Variants in OTOGL observed in about 807,000 individuals in gnomAD.
The protein encoded by OTOGL is otogelin like, also known as otogelin-like protein.
OTOGL carries 285 observed loss-of-function variants against 318.5 expected under a neutral mutation model. The observed-to-expected ratio is 0.89, with a 90% confidence interval of 0.81 to 0.99. OTOGL has a LOEUF of 0.99. Among genes scored for constraint, OTOGL ranks in the 50% least tolerant of loss-of-function variants. OTOGL has a pLI of 0.00. For missense variants in OTOGL, 2,899 were observed against 2,845.6 expected, an observed-to-expected ratio of 1.02 and a Z score of -0.43; for synonymous variants, 987 against 936.5, an observed-to-expected ratio of 1.05 and a Z score of -0.99.
intron 48 of OTOGL, 41 bp downstream of exon 48, chr12:80,356,561 T>C: frequency 7.0e-7 from 1 of 1,436,588 alleles, no homozygotes; most frequent in Non-Finnish European, 9.7e-7. Flanking sequence ...AGGTTCATTG[T>C]TCATTCAGAA....
chr12:80,301,468 G>A (rs927604334), intron 27 of OTOGL, among the ~76,000 whole-genome samples: 4 of 152,110 alleles, frequency 2.6e-5, no homozygotes, highest in African/African-American at 9.7e-5. Context: ...TGGATAACTT[G>A]GTTGCAAACG....
chr12:80,196,423 G>A (rs1458170172), intron 1 of OTOGL, among the ~76,000 whole-genome samples: 1 of 152,150 alleles, frequency 6.6e-6, no homozygotes, highest in Non-Finnish European at 1.5e-5. Flanking sequence ...TGAACAATTA[G>A]GTTTTTATTT....
chr12:80,342,061 G>A lies in OTOGL; in HGVS notation c.5164G>A (p.Glu1722Lys), dbSNP rs1448105386. The A allele has an allele frequency of 6.2e-7, 1 of 1,607,674 alleles. No individual in the cohort carries two copies. Among genetic ancestry groups the A allele is most frequent in the Non-Finnish European group, 8.5e-7 (1 of 1,176,286 alleles). Residue 1722 changes from glutamate (E) to lysine (K), a missense_variant, in exon 44 of 59, where the codon GAA becomes AAA. Around this residue, in one of 3 missense-constraint regions of OTOGL, gnomAD observed 2,607 missense variants for 2,524.9 expected, o/e 1.03. Coordinates refer to ENST00000547103, the MANE Select transcript of OTOGL (RefSeq NM_001378609.3). ...GAGCTGGGAAATTGAGAAATCATTTGAAGTAACAATGAGAAGACCTGTTAG... is the reference window on the plus strand; with the variant it reads ...GAGCTGGGAAATTGAGAAATCATTTAAAGTAACAATGAGAAGACCTGTTAG... ...IESWEIEKSFEVTMRRPVRNC... is the reference protein window; with the variant it reads ...IESWEIEKSFKVTMRRPVRNC...
chr12:80,346,098 T>C (rs2137969798), intron 44 of OTOGL, among the ~76,000 whole-genome samples: 1 of 152,328 alleles, frequency 6.6e-6, no homozygotes, highest in East Asian at 1.9e-4. Flanking sequence ...AGGGAATGAA[T>C]GCAATACCAA....
At chr12:80,177,414 A>G (rs1011545492) in intron 1 of OTOGL, among the ~76,000 whole-genome samples, 2 of 152,204 alleles carry the variant, frequency 1.3e-5, no homozygotes, top group Non-Finnish European at 2.9e-5. Flanking sequence ...TTGAAAACTA[A>G]TAGACCATAT....
intron 11 of OTOGL, among the ~76,000 whole-genome samples, chr12:80,250,076 G>A (rs1177051675): frequency 6.6e-6 from 1 of 152,038 alleles, no homozygotes; most frequent in African/African-American, 2.4e-5. Flanking sequence ...GCACTCCCTA[G>A]TGAGATGAAC....
chr12:80,293,919 A>G (rs1885213219), intron 26 of OTOGL, among the ~76,000 whole-genome samples: 1 of 152,084 alleles, frequency 6.6e-6, no homozygotes, highest in Admixed American at 6.6e-5. Flanking sequence ...AATTACCCTT[A>G]AAAGGGGCTG....
intron 55 of OTOGL, 128 bp from the exon 56 acceptor site, chr12:80,370,442 T>C: frequency 1.4e-6 from 1 of 714,548 alleles, no homozygotes; most frequent in Non-Finnish European, 2.1e-6. Flanking sequence ...CATTTTCAGA[T>C]GGAACATTTT....
At chr12:80,268,750 C>A (rs561984500) in intron 22 of OTOGL, among the ~76,000 whole-genome samples, 1 of 152,116 alleles carries the variant, frequency 6.6e-6, no homozygotes, top group Non-Finnish European at 1.5e-5. Context: ...TTCTTCCTTT[C>A]CATCATCACT....
At chr12:80,145,451 G>T (rs1003573977) in intron 1 of OTOGL, among the ~76,000 whole-genome samples, 2 of 151,994 alleles carry the variant, frequency 1.3e-5, no homozygotes, top group Non-Finnish European at 2.9e-5. Flanking sequence ...TGCTGTTTTG[G>T]TTACTGTAGC....
chr12:80,335,307 A>G (rs902907868), intron 38 of OTOGL, among the ~76,000 whole-genome samples: 2 of 152,112 alleles, frequency 1.3e-5, no homozygotes, highest in African/African-American at 2.4e-5. Context: ...TAAAATAAAT[A>G]TGAAATAATA....
In OTOGL at chr12:80,124,470, A is replaced by G. The variant is rs60827845; in HGVS notation, c.-20+24865A>G. On this transcript the variant is annotated intron_variant, in intron 1 of 58. Coordinates refer to ENST00000547103, the MANE Select transcript of OTOGL (RefSeq NM_001378609.3). ...GTAGTATGGTTTGAAGTCAGGTAGC[A>G]TGATGCCTCCAGCTTTGTTCTTTTG... is the stretch of plus-strand genomic sequence containing the variant. Among the ~76,000 whole-genome samples, 849 of 152,264 alleles carry G rather than the reference A, an allele frequency of 5.6e-3. 9 individuals are homozygous for G. Among genetic ancestry groups the G allele is most frequent in the African/African-American group, 0.019 (806 of 41,542 alleles).
intron 1 of OTOGL, among the ~76,000 whole-genome samples, chr12:80,100,086 G>C (rs1869047724): frequency 6.6e-6 from 1 of 152,090 alleles, no homozygotes; most frequent in Non-Finnish European, 1.5e-5. Context: ...GCTTCCTCAT[G>C]GTCTGGAAGG....
intron 7 of OTOGL, among the ~76,000 whole-genome samples, chr12:80,223,480 C>T (rs2137363992): frequency 6.6e-6 from 1 of 152,026 alleles, no homozygotes; most frequent in East Asian, 1.9e-4. Flanking sequence ...GGTAGATCTA[C>T]TTTTAGTTCT....
intron 11 of OTOGL, among the ~76,000 whole-genome samples, chr12:80,244,780 C>G (rs1216068037): frequency 6.8e-6 from 1 of 147,024 alleles, no homozygotes; most frequent in Non-Finnish European, 1.5e-5. Flanking sequence ...TACAGTCCCA[C>G]CAACAGTGTA....
chr12:80,354,460 A>G (rs1278869352), intron 46 of OTOGL, among the ~76,000 whole-genome samples: 3 of 152,192 alleles, frequency 2.0e-5, no homozygotes, highest in African/African-American at 7.2e-5. Flanking sequence ...GAACACATCT[A>G]GTATTTGTAA....
chr12:80,171,086 G>GT (rs1874175607), intron 1 of OTOGL, among the ~76,000 whole-genome samples: 1 of 151,612 alleles, frequency 6.6e-6, no homozygotes, highest in African/African-American at 2.4e-5. Context: ...GATTAATTTC[G>GT]TTTTTTGAGT....
chr12:80,234,716 C>T (rs1226559984), intron 9 of OTOGL, among the ~76,000 whole-genome samples: 1 of 152,134 alleles, frequency 6.6e-6, no homozygotes, highest in Non-Finnish European at 1.5e-5. Context: ...AATGTCTCTA[C>T]ATTGCTTTGA....
chr12:80,237,199 T>A (rs997970789), intron 9 of OTOGL, among the ~76,000 whole-genome samples: 17 of 152,182 alleles, frequency 1.1e-4, no homozygotes, highest in Admixed American at 5.9e-4. Flanking sequence ...AGCAAATATA[T>A]TTTGAGTACC....
Sources: gnomAD v4.1 joint callset for allele counts (sites outside exome capture counted in the v4.1 genomes callset) on GRCh38, gnomAD v4.1.1 for gene constraint, gnomAD v4.1.1 regional missense constraint, MANE v1.5 for transcripts, NCBI Gene and HGNC (gene_info 2026-07-23, HGNC 2026-07-21) for gene names.